ASIC2: variants seen among roughly 807,000 people sequenced by gnomAD.
The protein encoded by ASIC2 is acid sensing ion channel subunit 2.
ASIC2 carries 25 observed loss-of-function variants against 57.3 expected under a neutral mutation model. The observed-to-expected ratio is 0.44, with a 90% CI of 0.32 to 0.61. The LOEUF is 0.61. Among genes scored for constraint, ASIC2 ranks in the 20% least tolerant of loss-of-function variants. The pLI is 0.06. For synonymous variants in ASIC2, 319 were observed against 307.5 expected, an observed-to-expected ratio of 1.04 and a Z score of -0.39; for missense variants, 641 against 738.1, an observed-to-expected ratio of 0.87 and a Z score of 1.52.
intron 1 of ASIC2, among the ~76,000 whole-genome samples, chr17:33,748,549 T>C (rs191658311): frequency 2.5e-3 from 374 of 152,266 alleles, no homozygotes; most frequent in Non-Finnish European, 4.4e-3. Flanking sequence ...CAGACCCCAA[T>C]TCACTAACTC....
At chr17:33,775,724 C>A (rs1911250393) in intron 1 of ASIC2, among the ~76,000 whole-genome samples, 1 of 152,118 alleles carries the variant, frequency 6.6e-6, no homozygotes, top group African/African-American at 2.4e-5. Flanking sequence ...TATGATGCTG[C>A]AATTCTTTGT....
intron 1 of ASIC2, among the ~76,000 whole-genome samples, chr17:33,947,017 C>A (rs1370446009): frequency 2.0e-5 from 3 of 152,056 alleles, no homozygotes; most frequent in African/African-American, 7.2e-5. Flanking sequence ...GTTCTGAGTT[C>A]CACTGAGTAA....
chr17:34,102,553 T>G (rs1910904550), intron 1 of ASIC2, among the ~76,000 whole-genome samples: 1 of 152,142 alleles, frequency 6.6e-6, no homozygotes, highest in Non-Finnish European at 1.5e-5. Context: ...TAACCTCATA[T>G]AAATAGAATC....
At chr17:34,109,682 A>G (rs558177629) in intron 1 of ASIC2, among the ~76,000 whole-genome samples, 19 of 152,194 alleles carry the variant, frequency 1.2e-4, no homozygotes, top group Admixed American at 2.0e-4. Context: ...TCTCACTGTT[A>G]TATAAACCTG....
chr17:33,475,975 T>G (rs1310126143), intron 1 of ASIC2, among the ~76,000 whole-genome samples: 5 of 152,120 alleles, frequency 3.3e-5, no homozygotes, highest in African/African-American at 1.2e-4. Flanking sequence ...ACCGACATCA[T>G]GAGAGGAAAA....
intron 1 of ASIC2, among the ~76,000 whole-genome samples, chr17:33,874,323 G>A (rs150686617): frequency 6.6e-6 from 1 of 152,242 alleles, no homozygotes; most frequent in East Asian, 1.9e-4. Flanking sequence ...TAAAATACAG[G>A]ACATCAACTA....
intron 1 of ASIC2, among the ~76,000 whole-genome samples, chr17:33,214,676 C>T (rs904567054): frequency 2.7e-5 from 2 of 74,880 alleles, no homozygotes; most frequent in South Asian, 3.3e-4. Flanking sequence ...GAAACTCTGC[C>T]TTTATAAGTT....
At chr17:34,148,629 G>A (rs1021906215) in intron 1 of ASIC2, among the ~76,000 whole-genome samples, 8 of 152,208 alleles carry the variant, frequency 5.3e-5, no homozygotes, top group Non-Finnish European at 1.2e-4. Context: ...GGTTTTGCAA[G>A]AAGAACCAGA....
chr17:33,060,786 T>C (rs1250316370), intron 3 of ASIC2, among the ~76,000 whole-genome samples: 3 of 152,166 alleles, frequency 2.0e-5, no homozygotes, highest in Non-Finnish European at 4.4e-5. Flanking sequence ...ATTCTTCCTA[T>C]CCATGAGCAT....
chr17:33,032,430 A>C, intron 3 of ASIC2, among the ~76,000 whole-genome samples: 1 of 140,242 alleles, frequency 7.1e-6, no homozygotes, highest in Non-Finnish European at 1.5e-5. Context: ...TATAAGCACT[A>C]TAATACACTG....
chr17:33,714,340 T>G lies in ASIC2; in HGVS notation c.555+441638A>C, dbSNP rs558963849. On this transcript the variant is annotated intron_variant, in intron 1 of 9. Transcript: ENST00000359872. ...CATTCATTGTGTGTAATGACAAAAT[T>G]TGGAAGCAACACAAATATCCTTCAG... Among the ~76,000 whole-genome samples, 21 of 152,234 alleles carry G rather than the reference T, an allele frequency of 1.4e-4. No homozygotes were observed. In the South Asian group the frequency reaches 4.2e-3, roughly 30 times the overall value.
chr17:33,683,870 G>T (rs192713699), intron 1 of ASIC2, among the ~76,000 whole-genome samples: 3 of 152,116 alleles, frequency 2.0e-5, no homozygotes, highest in African/African-American at 7.2e-5. Flanking sequence ...CCCTTTTCCC[G>T]TAGGGCCTCA....
intron 1 of ASIC2, among the ~76,000 whole-genome samples, chr17:33,777,332 C>G (rs944796318): frequency 1.3e-5 from 2 of 152,224 alleles, no homozygotes; most frequent in Non-Finnish European, 2.9e-5. Flanking sequence ...ACTATTATCA[C>G]CAGCCTTCAT....
At chr17:33,680,125 G>A (rs1907955045) in intron 1 of ASIC2, among the ~76,000 whole-genome samples, 1 of 152,146 alleles carries the variant, frequency 6.6e-6, no homozygotes. Context: ...GTCAGGGCAA[G>A]GCCAGGAGCA....
At chr17:33,145,755 T>C (rs1015581842) in intron 1 of ASIC2, among the ~76,000 whole-genome samples, 6 of 152,332 alleles carry the variant, frequency 3.9e-5, no homozygotes, top group African/African-American at 1.2e-4. Flanking sequence ...CCTGGAAGAA[T>C]AGGTGCTTAA....
At chr17:33,817,073 C>G (rs968959252) in intron 1 of ASIC2, among the ~76,000 whole-genome samples, 3 of 152,196 alleles carry the variant, frequency 2.0e-5, no homozygotes, top group Non-Finnish European at 4.4e-5. Flanking sequence ...ACTGGAACCA[C>G]CTGGGGAGTT....
chr17:33,970,399 C>T lies in ASIC2; in HGVS notation c.555+185579G>A, dbSNP rs141644349. Among the ~76,000 whole-genome samples the T allele has an allele frequency of 8.3e-3, 1,268 of 152,272 alleles. 18 individuals are homozygous for T. The highest frequency in any genetic ancestry group is 0.029 in the African/African-American group (1,218 of 41,556). On this transcript the variant is annotated intron_variant, in intron 1 of 9. Coordinates refer to the ASIC2 transcript ENST00000359872. Reference sequence around the variant, plus strand: ...TTGGTCTCTGCCTAGTGGGATGCTGCACTTGGAACACATCCCAGAGACAGG... The same window carrying T: ...TTGGTCTCTGCCTAGTGGGATGCTGTACTTGGAACACATCCCAGAGACAGG...
At chr17:33,950,857 AG>A (rs1904538626) in intron 1 of ASIC2, among the ~76,000 whole-genome samples, 1 of 152,194 alleles carries the variant, frequency 6.6e-6, no homozygotes, top group South Asian at 2.1e-4. Flanking sequence ...TTTGGGAAAA[AG>A]CAAGTGCTGG....
chr17:33,764,446 T>C (rs1278842233), intron 1 of ASIC2, among the ~76,000 whole-genome samples: 1 of 151,996 alleles, frequency 6.6e-6, no homozygotes, highest in African/African-American at 2.4e-5. Context: ...TGAAACTGGA[T>C]AATTAATAAA....
Sources: allele counts gnomAD v4.1 joint callset (sites outside exome capture counted in the v4.1 genomes callset), GRCh38; gene constraint gnomAD v4.1.1; transcripts MANE v1.5; gene names NCBI Gene and HGNC (gene_info 2026-07-23, HGNC 2026-07-21).